The following LYPLAL1 variants were observed in gnomAD, a reference collection of about 807,000 sequenced individuals.
The protein encoded by LYPLAL1 is lysophospholipase like 1, also known as lysophospholipase-like protein 1.
Under a neutral mutation model 19.7 loss-of-function variants are expected in LYPLAL1, and 23 were observed. The observed-to-expected ratio is 1.17, with a 90% confidence interval of 0.84 to 1.65. The LOEUF is 1.65. Among genes scored for constraint, LYPLAL1 ranks in the 40% most tolerant of loss-of-function variants. The probability of loss-of-function intolerance (pLI) is 0.00; values close to 1 mark genes in which losing one functional copy is unlikely to be tolerated. For synonymous variants in LYPLAL1, 119 were observed against 96.3 expected (o/e 1.24, Z -1.38); for missense variants, 355 against 279.4 (o/e 1.27, Z -1.93).
chr1:219,357,775 G>A, the LYPLAL1 span, among the ~76,000 whole-genome samples: 2 of 152,226 alleles, frequency 1.3e-5, no homozygotes, highest in South Asian at 2.1e-4. Flanking sequence ...GTTTATAACT[G>A]CCAAAAACTG....
At chr1:219,316,400 T>C in the LYPLAL1 span, among the ~76,000 whole-genome samples, 1 of 152,202 alleles carries the variant, frequency 6.6e-6, no homozygotes, top group Non-Finnish European at 1.5e-5. Context: ...TATTGATTTG[T>C]AGTTTTCTTG....
the LYPLAL1 span, among the ~76,000 whole-genome samples, chr1:219,325,446 G>T: frequency 6.6e-6 from 1 of 152,054 alleles, no homozygotes; most frequent in Non-Finnish European, 1.5e-5. Flanking sequence ...AAATGGCACC[G>T]TCCCTTTCTT....
intron 3 of LYPLAL1, among the ~76,000 whole-genome samples, chr1:219,206,311 C>T (rs1658562567): frequency 1.3e-5 from 2 of 151,962 alleles, no homozygotes; most frequent in Admixed American, 1.3e-4. Context: ...ACCGTAAATA[C>T]CCGTTATAAC....
intron 1 of LYPLAL1, among the ~76,000 whole-genome samples, chr1:219,175,363 A>G (rs1016992818): frequency 3.9e-5 from 6 of 152,284 alleles, no homozygotes; most frequent in Admixed American, 3.3e-4. Flanking sequence ...AGCGGTACTT[A>G]ATAACTAGGA....
At chr1:219,266,384 G>A in the LYPLAL1 span, among the ~76,000 whole-genome samples, 2 of 152,094 alleles carry the variant, frequency 1.3e-5, no homozygotes, top group South Asian at 2.1e-4. Context: ...CTGCTACTAC[G>A]TCTTGTCCCA....
At chr1:219,347,931 T>A in the LYPLAL1 span, among the ~76,000 whole-genome samples, 1 of 152,070 alleles carries the variant, frequency 6.6e-6, no homozygotes, top group South Asian at 2.1e-4. Flanking sequence ...TTAAAATATG[T>A]TCCTTGGCAG....
chr1:219,272,834 A>G, the LYPLAL1 span: 1 of 149,634 alleles, frequency 6.7e-6, no homozygotes, highest in Admixed American at 6.7e-5. Flanking sequence ...CCCTCAGCAG[A>G]AAAAAAAAAG....
chr1:219,429,271 G>A, the LYPLAL1 span, among the ~76,000 whole-genome samples: 1 of 152,188 alleles, frequency 6.6e-6, no homozygotes. Flanking sequence ...TGGCATATGT[G>A]AGAATATATG....
the LYPLAL1 span, among the ~76,000 whole-genome samples, chr1:219,338,530 A>G: frequency 1.3e-5 from 2 of 152,044 alleles, no homozygotes; most frequent in South Asian, 4.1e-4. Flanking sequence ...CAGTTTCTTC[A>G]TCTTTAAAAA....
rs1338738520 is a variant in LYPLAL1, at chr1:219,193,198, A to T, written c.308A>T (p.Asp103Val). 6.2e-7 allele frequency: 1 copy of T among 1,610,698 alleles called. No individual in the cohort carries two copies. Among genetic ancestry groups the T allele is most frequent in the African/African-American group, 1.3e-5 (1 of 74,854 alleles). Residue 103 changes from aspartate (D) to valine (V), a missense_variant, in exon 3 of 5, where the codon GAT becomes GTT. Coordinates refer to ENST00000366928, the MANE Select transcript of LYPLAL1 (RefSeq NM_138794.5). The part of the protein sequence containing the change: ...SIDVMCQVLT[D>V]LIDEEVKSGI... The stretch of plus-strand genomic sequence containing the variant: ...GATGTCATGTGTCAAGTGCTTACTG[A>T]TTTGATTGATGAAGAAGTAAAAAGT...
chr1:219,444,780 C>G, the LYPLAL1 span, among the ~76,000 whole-genome samples: 2 of 152,120 alleles, frequency 1.3e-5, no homozygotes, highest in African/African-American at 4.8e-5. Context: ...AAACTAAGCC[C>G]CTGGAGATAT....
At chr1:219,422,907 C>T in the LYPLAL1 span, among the ~76,000 whole-genome samples, 25 of 152,202 alleles carry the variant, frequency 1.6e-4, no homozygotes, top group Middle Eastern at 3.4e-3. Context: ...CATTCACTTA[C>T]TCAGTTGGTA....
chr1:219,407,361 T>C, the LYPLAL1 span, among the ~76,000 whole-genome samples: 1 of 152,232 alleles, frequency 6.6e-6, no homozygotes, highest in East Asian at 1.9e-4. Context: ...TAGCACCTAA[T>C]ATTGTTTACT....
chr1:219,208,237 CTG>C (rs1378268159), intron 3 of LYPLAL1, among the ~76,000 whole-genome samples: 3 of 152,116 alleles, frequency 2.0e-5, no homozygotes, highest in South Asian at 2.1e-4. Flanking sequence ...TTTACAGTAA[CTG>C]TACATTTTAA....
the LYPLAL1 span, among the ~76,000 whole-genome samples, chr1:219,311,951 T>C: frequency 6.6e-6 from 1 of 152,204 alleles, no homozygotes; most frequent in African/African-American, 2.4e-5. Context: ...AAAATATATA[T>C]TGTGTGATCC....
chr1:219,305,047 G>A, the LYPLAL1 span, among the ~76,000 whole-genome samples: 1 of 152,156 alleles, frequency 6.6e-6, no homozygotes, highest in African/African-American at 2.4e-5. Context: ...ATTACTCACT[G>A]GTTCGGCATA....
the LYPLAL1 span, among the ~76,000 whole-genome samples, chr1:219,228,937 A>C: frequency 6.6e-6 from 1 of 151,978 alleles, no homozygotes; most frequent in African/African-American, 2.4e-5. Flanking sequence ...CCTAGGCCTC[A>C]CAAAGTGCTA....
the LYPLAL1 span, among the ~76,000 whole-genome samples, chr1:219,269,596 A>T: frequency 7.6e-3 from 1,153 of 151,954 alleles, 4 homozygotes; most frequent in South Asian, 0.023. Flanking sequence ...CTTTACATCT[A>T]GGCCAATTAA....
intron 3 of LYPLAL1, among the ~76,000 whole-genome samples, chr1:219,200,852 G>C (rs2125089219): frequency 6.6e-6 from 1 of 152,362 alleles, no homozygotes; most frequent in East Asian, 1.9e-4. Context: ...AGGAGCTTCT[G>C]TCTCCCCGGA....
Sources: gnomAD v4.1 joint callset for allele counts (sites outside exome capture counted in the v4.1 genomes callset) on GRCh38, gnomAD v4.1.1 for gene constraint, MANE v1.5 for transcripts, NCBI Gene and HGNC (gene_info 2026-07-23, HGNC 2026-07-21) for gene names.